Variants in SLC1A6 observed in about 807,000 individuals in gnomAD.
SLC1A6 encodes the protein solute carrier family 1 member 6.
Under a neutral mutation model 42.1 loss-of-function variants are expected in SLC1A6, and 15 were observed. The observed-to-expected ratio is 0.36, with a 90% CI of 0.24 to 0.55. SLC1A6 has a LOEUF of 0.55. SLC1A6 is among the 20% of genes least tolerant of loss of function. SLC1A6 has a pLI of 0.88. For synonymous variants in SLC1A6, 317 were observed against 319.7 expected, an observed-to-expected ratio of 0.99 and a Z score of 0.09; for missense variants, 542 against 772.5, an observed-to-expected ratio of 0.70 and a Z score of 3.54.
At chr19:14,991,423 A>C (rs9789305) in intron 1 of SLC1A6, among the ~76,000 whole-genome samples, 3 of 151,998 alleles carry the variant, frequency 2.0e-5, no homozygotes, top group African/African-American at 4.8e-5. Context: ...TCAGGAGTTC[A>C]AGCCCCCTGG....
At chr19:14,991,833 C>T (rs1049649121) in intron 1 of SLC1A6, among the ~76,000 whole-genome samples, 1 of 120,696 alleles carries the variant, frequency 8.3e-6, no homozygotes, top group Admixed American at 8.8e-5. Context: ...TTTCCTTCTG[C>T]TTTTTTCTTT....
At chr19:14,982,868 A>C (rs1212924239), upstream of SLC1A6, among the ~76,000 whole-genome samples, 1 of 152,264 alleles carries the variant, frequency 6.6e-6, no homozygotes, top group Non-Finnish European at 1.5e-5. Context: ...CATAACAAAA[A>C]TAAACCTACT....
rs1463978290 is a variant in SLC1A6 at position 15,000,381 on chromosome 19, A to G, written c.6+10104T>C. Among the ~76,000 whole-genome samples, 6 of 152,178 alleles carry G rather than the reference A, an allele frequency of 3.9e-5. No individual in the cohort carries two copies. The South Asian group carries it at 6.2e-4, about 16-fold the overall frequency. On this transcript the variant is annotated intron_variant, in intron 1 of 8. Transcript: ENST00000430939. The stretch of plus-strand genomic sequence containing the variant: ...ACCAACATCTCCCCAATTGCCCCCA[A>G]TCCTAGCCTCTGGCAACCACCATTT...
In SLC1A6 at chr19:14,953,042, C is replaced by T; in HGVS notation, c.1385G>A (p.Ser462Asn). ...TTISITATAA[S>N]VGAAGIPQAG... ...CTGGGGGATGCCAGCAGCCCCAACA[C>T]TGGCTGCTGTGGCCGTGATGCTGCA... Residue 462 changes from serine to asparagine, a missense_variant, in exon 9 of 10, where the codon AGT (serine) becomes AAT (asparagine). Physicochemically the swap from Ser to Asn is conservative, Grantham distance 46. Around this residue, in one of 6 missense-constraint regions of SLC1A6, gnomAD observed 54 missense variants for 125.1 expected, o/e 0.43. Transcript: ENST00000594383. 1 of 1,613,692 alleles carries T rather than the reference C, an allele frequency of 6.2e-7. No individual in the cohort carries two copies. Among genetic ancestry groups the T allele is most frequent in the Non-Finnish European group, 8.5e-7 (1 of 1,179,782 alleles).
intron 1 of SLC1A6, among the ~76,000 whole-genome samples, chr19:14,989,581 AAGAT>A (rs1359089525): frequency 6.6e-6 from 1 of 152,038 alleles, no homozygotes; most frequent in African/African-American, 2.4e-5. Context: ...TTAAAGAAAA[AAGAT>A]AAGTGGTCAG....
chr19:15,009,889 G>C (rs2045916187), intron 1 of SLC1A6, among the ~76,000 whole-genome samples: 1 of 152,110 alleles, frequency 6.6e-6, no homozygotes, highest in Non-Finnish European at 1.5e-5. Context: ...GAAAGAAAAT[G>C]TAAGACTAAG....
chr19:15,007,881 C>T (rs957209886), intron 1 of SLC1A6, among the ~76,000 whole-genome samples: 4 of 151,936 alleles, frequency 2.6e-5, no homozygotes, highest in Admixed American at 2.0e-4. Context: ...AAAAATTAGC[C>T]GGGTGTGGTG....
intron 7 of SLC1A6, 56 bp downstream of exon 7, chr19:14,956,420 A>T: frequency 8.4e-7 from 1 of 1,184,820 alleles, no homozygotes; most frequent in Non-Finnish European, 1.2e-6. Flanking sequence ...AGGAGAGGAC[A>T]TGAAGGACAA....
chr19:14,991,127 G>C (rs765609610), intron 1 of SLC1A6, among the ~76,000 whole-genome samples: 2 of 152,160 alleles, frequency 1.3e-5, no homozygotes, highest in Non-Finnish European at 1.5e-5. Flanking sequence ...CCACATAAGT[G>C]TATATAATTC....
upstream of SLC1A6, among the ~76,000 whole-genome samples, chr19:14,981,947 G>A (rs191623162): frequency 7.5e-4 from 114 of 152,118 alleles, no homozygotes; most frequent in Non-Finnish European, 1.0e-3. Flanking sequence ...AGGACCGCTT[G>A]AGTCCAAGAG....
intron 9 of SLC1A6, among the ~76,000 whole-genome samples, chr19:14,952,026 G>T (rs2045418246): frequency 6.6e-6 from 1 of 151,914 alleles, no homozygotes; most frequent in African/African-American, 2.4e-5. Flanking sequence ...TGCCCAGGCT[G>T]GTCTTGAACT....
At chr19:14,960,663 C>G (rs903117136) in intron 6 of SLC1A6, among the ~76,000 whole-genome samples, 1 of 152,084 alleles carries the variant, frequency 6.6e-6, no homozygotes, top group Non-Finnish European at 1.5e-5. Flanking sequence ...ATTGAAATAA[C>G]CAAGACACAG....
At chr19:14,975,383 G>A (rs11085925) in intron 1 of SLC1A6, 109,556 of 152,032 alleles carry the variant, frequency 0.72, 39,766 homozygotes, top group African/African-American at 0.81. Context: ...CGCATTGTAT[G>A]CATGTATCGA....
chr19:14,952,631 G>A (rs982141126), intron 9 of SLC1A6, among the ~76,000 whole-genome samples: 1 of 151,964 alleles, frequency 6.6e-6, no homozygotes, highest in Non-Finnish European at 1.5e-5. Flanking sequence ...TAGAGACACC[G>A]CACCCGGCCT....
intron 1 of SLC1A6, among the ~76,000 whole-genome samples, chr19:14,999,040 G>A (rs1035963777): frequency 1.3e-5 from 2 of 152,016 alleles, no homozygotes; most frequent in Admixed American, 6.6e-5. Flanking sequence ...ACCACACCTG[G>A]CTAATTTTTT....
intron 4 of SLC1A6, among the ~76,000 whole-genome samples, chr19:14,965,023 CTT>C (rs35846543): frequency 3.1e-4 from 44 of 139,852 alleles, no homozygotes; most frequent in Admixed American, 5.7e-4. Flanking sequence ...ATGGAGATTT[CTT>C]TTTTTTTTTT....
chr19:14,993,052 G>A (rs913494691), intron 1 of SLC1A6, among the ~76,000 whole-genome samples: 4 of 152,132 alleles, frequency 2.6e-5, no homozygotes, highest in African/African-American at 9.7e-5. Context: ...GTGGGAGGAG[G>A]ACCAGGTCTC....
Position 14,952,954 on chromosome 19 carries a change from C to G in SLC1A6, c.1473G>C (p.Thr491=), listed in dbSNP as rs749778818. The G allele has an allele frequency of 6.2e-7, 1 of 1,613,858 alleles. No individual in the cohort carries two copies. The highest frequency in any genetic ancestry group is 8.5e-7 in the Non-Finnish European group (1 of 1,179,940). The change falls in exon 9 of 10, where the codon ACG becomes ACC. Residue 491 remains threonine, a synonymous_variant. Coordinates refer to ENST00000594383, the MANE Select transcript of SLC1A6 (RefSeq NM_005071.3). ...TSVGLPTEDI[T]LIIAVDWFLD... is the part of the protein sequence containing the mutation. ...GGAACCAGTCCACGGCAATGATGAG[C>G]GTGATGTCTTCCGTGGGCAAGCCGA...
chr19:14,965,789 G>T (rs943795479), intron 4 of SLC1A6, among the ~76,000 whole-genome samples: 5 of 151,014 alleles, frequency 3.3e-5, no homozygotes, highest in African/African-American at 1.2e-4. Context: ...GGCAGAGGTT[G>T]CAGTGAGCTG....
Sources: allele counts gnomAD v4.1 joint callset (sites outside exome capture counted in the v4.1 genomes callset), GRCh38; gene constraint gnomAD v4.1.1; regional missense constraint gnomAD v4.1.1; transcripts MANE v1.5; gene names NCBI Gene and HGNC (gene_info 2026-07-23, HGNC 2026-07-21).